KNTC1: variants seen among roughly 807,000 people sequenced by gnomAD.
KNTC1 encodes the protein kinetochore-associated protein 1.
KNTC1 carries 253 observed loss-of-function variants against 314.4 expected under a neutral mutation model. The ratio of observed to expected loss-of-function variants is 0.80; its 90% CI spans 0.73 to 0.89. The LOEUF (loss-of-function observed/expected upper bound fraction) is 0.89. KNTC1 is among the 40% of genes least tolerant of loss of function. The probability of loss-of-function intolerance (pLI) is 0.00; values close to 1 mark genes in which losing one functional copy is unlikely to be tolerated. For synonymous variants in KNTC1, 901 were observed against 901.4 expected, an observed-to-expected ratio of 1.00 and a Z score of 0.01; for missense variants, 2,475 against 2,572.9, an observed-to-expected ratio of 0.96 and a Z score of 0.82.
chr12:122,530,036 C>G lies in KNTC1; in HGVS notation c.-28C>G. ...ATGTTGTTCAGGAAAGACAGTGGTT[C>G]CTGACTCAGGAAGACAGTCTCAGAA... On this transcript the variant is annotated 5_prime_UTR_variant, in exon 2 of 64. Coordinates refer to ENST00000333479, the MANE Select transcript of KNTC1 (RefSeq NM_014708.6). 3.7e-6 allele frequency: 6 copies of G among 1,609,666 alleles called. No homozygotes were observed. The highest frequency in any genetic ancestry group is 5.1e-6 in the Non-Finnish European group (6 of 1,177,690).
intron 18 of KNTC1, among the ~76,000 whole-genome samples, chr12:122,560,985 A>T (rs144477982): frequency 6.6e-6 from 1 of 152,250 alleles, no homozygotes; most frequent in African/African-American, 2.4e-5. Flanking sequence ...GTTTGTATAT[A>T]TTAGTCTTAT....
chr12:122,544,066 AAT>A, intron 7 of KNTC1, 91 bp from the exon 8 acceptor site: 2 of 548,552 alleles, frequency 3.6e-6, no homozygotes, highest in African/African-American at 2.0e-5. Context: ...AAAAAAAAAA[AAT>A]TTATAACTGA....
In KNTC1 at chr12:122,604,896, C is replaced by T. The variant is rs369189727; in HGVS notation, c.5195C>T (p.Ala1732Val). 5 of 1,605,216 alleles carry T rather than the reference C, an allele frequency of 3.1e-6. No homozygotes were observed. In the African/African-American group the frequency reaches 4.0e-5, roughly 13 times the overall value. The change falls in exon 50 of 64, where the codon GCC becomes GTC. Residue 1732 changes from alanine (A) to valine (V), a missense_variant. Physicochemically the swap from Ala to Val is moderately conservative, Grantham distance 64. Transcript: ENST00000333479. ...IPSQDEKREK[A>V]EALLKKLHIQ... ...TAAAAGGACGAAAAACGTGAAAAAG[C>T]CGAGGCTTTGTTGAAGAAGCTTCAT...
chr12:122,599,198 C>T (rs1184674858), intron 44 of KNTC1, among the ~76,000 whole-genome samples: 2 of 151,808 alleles, frequency 1.3e-5, no homozygotes, highest in Non-Finnish European at 2.9e-5. Context: ...AACTCCTGGG[C>T]TCAAGTGATC....
chr12:122,622,732 T>A (rs952115330), intron 62 of KNTC1, 125 bp downstream of exon 62: 2 of 721,950 alleles, frequency 2.8e-6, no homozygotes, highest in African/African-American at 3.7e-5. Context: ...GTGGATCACC[T>A]GAGGTTGAGA....
At chr12:122,583,561 C>G (rs2137995229) in intron 34 of KNTC1, among the ~76,000 whole-genome samples, 1 of 152,122 alleles carries the variant, frequency 6.6e-6, no homozygotes, top group South Asian at 2.1e-4. Context: ...TGTGGTGACT[C>G]ACGCCTGTAA....
chr12:122,613,416 C>T (rs1873398395), intron 54 of KNTC1, 186 bp downstream of exon 54: 2 of 652,578 alleles, frequency 3.1e-6, no homozygotes, highest in Non-Finnish European at 2.5e-6. Flanking sequence ...TTGTTTCCAT[C>T]GTTTCTTGGA....
At chr12:122,572,738 A>G (rs1964779844) in intron 24 of KNTC1, among the ~76,000 whole-genome samples, 199 bp from the exon 25 acceptor site, 1 of 152,126 alleles carries the variant, frequency 6.6e-6, no homozygotes, top group Non-Finnish European at 1.5e-5. Context: ...TTTTAAGAGA[A>G]AATATCTTTC....
Position 122,613,771 on chromosome 12 carries a change from C to T in KNTC1, c.5877+10C>T, listed in dbSNP as rs758599816. On this transcript the variant is annotated intron_variant, in intron 55 of 63. Coordinates refer to ENST00000333479, the MANE Select transcript of KNTC1 (RefSeq NM_014708.6). ...CAGCCACGAGTCCATGGTAGGTACA[C>T]CTCACTGCCCCATTCCCAATTCCCT... The T allele has an allele frequency of 6.3e-7, 1 of 1,582,136 alleles. No individual in the cohort carries two copies. Among genetic ancestry groups the T allele is most frequent in the Non-Finnish European group, 8.6e-7 (1 of 1,168,920 alleles).
intron 14 of KNTC1, 27 bp from the exon 15 acceptor site, chr12:122,551,431 C>T (rs545851062): frequency 9.7e-5 from 151 of 1,550,246 alleles, no homozygotes; most frequent in South Asian, 1.7e-4. Context: ...AAAAGACAAG[C>T]GCATTTATAG....
chr12:122,619,355 A>C (rs1481195587), intron 59 of KNTC1, among the ~76,000 whole-genome samples: 2 of 150,542 alleles, frequency 1.3e-5, no homozygotes, highest in Admixed American at 1.3e-4. Context: ...TAGTTTTAGT[A>C]GAGACAGCCT....
rs557767410 is a variant in KNTC1, at chr12:122,608,122, G to A, written c.5497-1262G>A. 5.3e-5 allele frequency among the ~76,000 whole-genome samples: 8 copies of A among 152,178 alleles called. No homozygotes were observed. In the South Asian group the frequency reaches 1.7e-3, roughly 32 times the overall value. ...GTAATATGACATTAGGGTTTTGTTT[G>A]TTTGTTTGAGATAGGGTCTCATTCA... On this transcript the variant is annotated intron_variant, in intron 51 of 63. Coordinates refer to ENST00000333479, the MANE Select transcript of KNTC1 (RefSeq NM_014708.6).
At chr12:122,577,525 T>C (rs1165054097) in intron 30 of KNTC1, 147 bp from the exon 31 acceptor site, 5 of 848,880 alleles carry the variant, frequency 5.9e-6, no homozygotes, top group African/African-American at 5.2e-5. Flanking sequence ...AAAATAAAAA[T>C]GGATTTTCGG....
Position 122,612,482 on chromosome 12 carries a change from C to T in KNTC1, c.5623-630C>T, listed in dbSNP as rs1188170551. On this transcript the variant is annotated intron_variant, in intron 53 of 63. Transcript: ENST00000333479. ...CCCAGGTTGGAGTAGTGCAGTGGCG[C>T]GATCTCAGCTCACTGCAACCTCCGC... Among the ~76,000 whole-genome samples, 90 of 149,522 alleles carry T rather than the reference C, an allele frequency of 6.0e-4. 1 individual carries two copies. Among genetic ancestry groups the T allele is most frequent in the Admixed American group, 3.2e-3 (47 of 14,916 alleles).
chr12:122,568,351 G>A lies in KNTC1; in HGVS notation c.1695G>A (p.Gln565=). The change falls in exon 21 of 64, where the codon CAG becomes CAA. Residue 565 remains glutamine, a synonymous_variant. Transcript: ENST00000333479. ...QLKEGNLVCA[Q]YLWLRHRANF... The stretch of plus-strand genomic sequence containing the variant: ...AAGAAGGAAACCTTGTTTGTGCACA[G>A]TATCTTTGGCTTCGACATCGGGTAA... 6.3e-7 allele frequency: 1 copy of A among 1,594,188 alleles called. No homozygotes were observed.
intron 18 of KNTC1, among the ~76,000 whole-genome samples, chr12:122,560,687 A>G (rs546931525): frequency 1.3e-5 from 2 of 152,224 alleles, no homozygotes; most frequent in East Asian, 3.9e-4. Context: ...TCTCTTTTAA[A>G]TTTTTTAAGG....
Position 122,601,602 on chromosome 12 carries a change from A to T in KNTC1, c.4630A>T (p.Ile1544Leu). 2 of 1,531,826 alleles carry T rather than the reference A, an allele frequency of 1.3e-6. No individual in the cohort carries two copies. Among genetic ancestry groups the T allele is most frequent in the Non-Finnish European group, 1.8e-6 (2 of 1,138,998 alleles). The allele number at this position is 1,531,826 out of a possible 1,614,324, so 94.9% of individuals were successfully genotyped here. The change falls in exon 45 of 64, where the codon ATA becomes TTA. Residue 1544 changes from isoleucine to leucine, a missense_variant. Ile to Leu is a conservative substitution (Grantham distance 5). Coordinates refer to ENST00000333479, the MANE Select transcript of KNTC1 (RefSeq NM_014708.6). ...LKVIERADEK[I>L]TNININQALS... ...AGTTATAGAACGAGCTGATGAAAAG[A>T]TAACCAATATTAATATTAATCAGGT...
chr12:122,538,974 T>A (rs966355380), intron 4 of KNTC1, among the ~76,000 whole-genome samples: 2 of 152,368 alleles, frequency 1.3e-5, no homozygotes, highest in South Asian at 2.1e-4. Flanking sequence ...AGGGTTGAAG[T>A]CCACCTTGTC....
At chr12:122,531,661 T>A (rs984975378) in intron 2 of KNTC1, among the ~76,000 whole-genome samples, 6 of 152,234 alleles carry the variant, frequency 3.9e-5, no homozygotes, top group African/African-American at 9.6e-5. Flanking sequence ...TTCTTTTTTT[T>A]AAATTTTTTG....
Sources: gnomAD v4.1 joint callset for allele counts (sites outside exome capture counted in the v4.1 genomes callset) on GRCh38, gnomAD v4.1.1 for gene constraint, MANE v1.5 for transcripts, NCBI Gene and HGNC (gene_info 2026-07-23, HGNC 2026-07-21) for gene names.